Variants in DHX38 observed in about 807,000 individuals in gnomAD.
DHX38 encodes DEAH-box helicase 38, also known as pre-mRNA-splicing factor ATP-dependent RNA helicase PRP16.
DHX38 carries 100 observed loss-of-function variants against 153.1 expected under a neutral mutation model. That is an observed-to-expected ratio of 0.65 (90% confidence interval 0.56 to 0.77). The LOEUF (loss-of-function observed/expected upper bound fraction) is 0.77, where lower values mean the gene tolerates loss of function less well. DHX38 is among the 30% of genes least tolerant of loss of function. The pLI, the probability that DHX38 is intolerant of heterozygous loss-of-function variation, is 0.00. For synonymous variants in DHX38, 650 were observed against 631.7 expected (o/e 1.03, Z -0.43); for missense variants, 1,440 against 1,654.0 (o/e 0.87, Z 2.24).
Position 72,104,348 on chromosome 16 carries a change from T to A in DHX38, c.2011-138T>A, listed in dbSNP as rs1276656888. The A allele has an allele frequency of 1.5e-5, 20 of 1,301,730 alleles. No individual in the cohort carries two copies. Among genetic ancestry groups the A allele is most frequent in the Non-Finnish European group, 2.0e-5 (19 of 964,462 alleles). 80.6% of individuals were successfully genotyped at this position (1,301,730 alleles called of 1,614,324 possible). A position where few individuals can be genotyped will look rare whatever the true frequency, so the allele number is the denominator to read the frequency against. ...CTGGGCAGTGGCTCCATTGCTTCAG[T>A]CTTCATGATTGGTAAGAATTGAATA... is the stretch of plus-strand genomic sequence containing the variant. On this transcript the variant is annotated intron_variant, in intron 14 of 26. Transcript: ENST00000268482. The surrounding 1 kb of genome is among the most constrained non-coding windows in gnomAD (Gnocchi z 4.5).
In DHX38 at chr16:72,100,238, T is replaced by C. The variant is rs1475384027; in HGVS notation, c.1117-198T>C. ...AGGTTCTGATTTAGATGAAAGGTGC[T>C]GCTGCTTGGAACAAACTCCTGCAGG... On this transcript the variant is annotated intron_variant, in intron 8 of 26. Transcript: ENST00000268482. 3.3e-5 allele frequency among the ~76,000 whole-genome samples: 5 copies of C among 152,296 alleles called. No homozygotes were observed. The East Asian group carries it at 9.7e-4, about 29-fold the overall frequency.
chr16:72,108,544 T>C lies in DHX38; in HGVS notation c.3192T>C (p.Thr1064=), dbSNP rs765400084. The change falls in exon 23 of 27, where the codon ACT becomes ACC. Residue 1064 remains threonine, a synonymous_variant. Coordinates refer to ENST00000268482, the MANE Select transcript of DHX38 (RefSeq NM_014003.4). ...GGATGAGCCTGGCCTCGTGTGGCAC[T>C]GACTGGGACATCGTCAGGAAGTGCA... ...QQRMSLASCG[T]DWDIVRKCIC... is the part of the protein sequence containing the mutation. 8.1e-6 allele frequency: 13 copies of C among 1,614,200 alleles called. No individual in the cohort carries two copies. Among genetic ancestry groups the C allele is most frequent in the Non-Finnish European group, 1.1e-5 (13 of 1,180,046 alleles).
chr16:72,098,702 C>G lies in DHX38; in HGVS notation c.674C>G (p.Ser225Ter). The G allele has an allele frequency of 6.2e-7, 1 of 1,614,172 alleles. No individual in the cohort carries two copies. The highest frequency in any genetic ancestry group is 8.5e-7 in the Non-Finnish European group (1 of 1,180,032). ...WEEEDSGYGS[S>*]RRSQWESPSP... ...GAAGAGGACAGTGGCTATGGCTCCT[C>G]AAGGCGCTCACAGTGGGAATCGCCC... Residue 225 changes from serine (S) to a stop codon, truncating the protein, a stop_gained, in exon 5 of 27, where the codon TCA becomes TGA. Transcript: ENST00000268482. LOFTEE classifies it high-confidence loss of function.
chr16:72,101,302 C>G, intron 10 of DHX38, 109 bp downstream of exon 10: 1 of 1,317,270 alleles, frequency 7.6e-7, no homozygotes. Context: ...TCCCCTCTAT[C>G]AAGTCCTTAG....
At chr16:72,096,098 C>T in intron 1 of DHX38, 41 bp from the exon 2 acceptor site, 2 of 1,537,634 alleles carry the variant, frequency 1.3e-6, no homozygotes, top group South Asian at 1.2e-5. Flanking sequence ...TATAGTAGAG[C>T]TGAGCCTTCT....
At position 72,106,062 on chromosome 16, in the gene DHX38, A is replaced by G. The variant is rs2042171717; in HGVS notation, c.2545A>G (p.Asn849Asp). 1 of 1,614,122 alleles carries G rather than the reference A, an allele frequency of 6.2e-7. No individual in the cohort carries two copies. Among genetic ancestry groups the G allele is most frequent in the Non-Finnish European group, 8.5e-7 (1 of 1,180,048 alleles). Reference protein sequence around the residue: ...ALQIYPISQANANQRSGRAGR... With the variant: ...ALQIYPISQADANQRSGRAGR... ...GCAGATCTATCCCATTAGCCAGGCC[A>G]ATGCCAACCAGCGGTCAGGGCGAGC... Residue 849 changes from asparagine (N) to aspartate (D), a missense_variant, in exon 19 of 27, where the codon AAT becomes GAT. Physicochemically the swap from Asn to Asp is conservative, Grantham distance 23. Around this residue, in one of 6 missense-constraint regions of DHX38, gnomAD observed 543 missense variants for 717.9 expected, o/e 0.76. Transcript: ENST00000268482.
At chr16:72,109,266 A>T (rs1332421974) in intron 24 of DHX38, 149 bp from the exon 25 acceptor site, 1 of 862,576 alleles carries the variant, frequency 1.2e-6, no homozygotes, top group African/African-American at 1.8e-5. Context: ...AGGAGTTTGG[A>T]TGGGAGTATC....
At chr16:72,105,437 A>G (rs2042161762) in intron 17 of DHX38, 80 bp from the exon 18 acceptor site, 1 of 1,600,274 alleles carries the variant, frequency 6.2e-7, no homozygotes, top group Non-Finnish European at 8.6e-7. Flanking sequence ...GGGGTGGGCT[A>G]GGAGGTAGGC....
At chr16:72,101,888 AC>A (rs1335987228) in intron 11 of DHX38, among the ~76,000 whole-genome samples, 2 of 152,064 alleles carry the variant, frequency 1.3e-5, no homozygotes, top group East Asian at 3.9e-4. Flanking sequence ...GTCTGAGGTC[AC>A]CCAGCTTGTC....
At chr16:72,111,140 A>G in intron 26 of DHX38, 63 bp downstream of exon 26, 1 of 1,487,876 alleles carries the variant, frequency 6.7e-7, no homozygotes, top group Non-Finnish European at 8.9e-7. Context: ...GCCAGAGACC[A>G]GGCCCTGATG....
In DHX38 at chr16:72,101,118, T is replaced by G; in HGVS notation, c.1311T>G (p.Thr437=). The part of the protein sequence containing the change: ...PEPVIPVKDA[T]SDLAIIARKG... Reference sequence around the variant, plus strand: ...CGGTGATTCCAGTGAAGGATGCTACTTCTGACCTGGCCATCATTGCTCGGA... The same window carrying G: ...CGGTGATTCCAGTGAAGGATGCTACGTCTGACCTGGCCATCATTGCTCGGA... The change falls in exon 10 of 27, where the codon ACT becomes ACG. Residue 437 remains threonine (T), a synonymous_variant. Transcript: ENST00000268482. 1 of 1,614,252 alleles carries G rather than the reference T, an allele frequency of 6.2e-7. No homozygotes were observed. Among genetic ancestry groups the G allele is most frequent in the Non-Finnish European group, 8.5e-7 (1 of 1,180,050 alleles).
At chr16:72,099,108 G>A in intron 6 of DHX38, 63 bp downstream of exon 6, 2 of 1,604,484 alleles carry the variant, frequency 1.2e-6, no homozygotes, top group Non-Finnish European at 1.7e-6. Flanking sequence ...GATGAGCAGG[G>A]GCTGCCCTTC....
chr16:72,103,005 G>T, intron 11 of DHX38, 69 bp from the exon 12 acceptor site: 1 of 1,582,922 alleles, frequency 6.3e-7, no homozygotes, highest in Non-Finnish European at 8.6e-7. Context: ...AGGAAGGAGG[G>T]CAGCAACCCA....
At position 72,104,048 on chromosome 16, in the gene DHX38, C is replaced by T. The variant is rs1362022149; in HGVS notation, c.1927C>T (p.Leu643=). 6 of 1,614,188 alleles carry T rather than the reference C, an allele frequency of 3.7e-6. No individual in the cohort carries two copies. The highest frequency in any genetic ancestry group is 4.2e-6 in the Non-Finnish European group (5 of 1,180,042). Residue 643 remains leucine (L), a synonymous_variant, in exon 14 of 27, where the codon CTG becomes TTG. Transcript: ENST00000268482. The surrounding 1 kb of genome is among the most constrained non-coding windows in gnomAD (Gnocchi z 4.5). Reference sequence around the variant, plus strand: ...CCGAGAGTCCCTCCGGGAAGCCGACCTGGATCACTACAGTGCCATCATCAT... The same window carrying T: ...CCGAGAGTCCCTCCGGGAAGCCGACTTGGATCACTACAGTGCCATCATCAT... ...LLRESLREAD[L]DHYSAIIMDE... is the part of the protein sequence containing the mutation.
intron 26 of DHX38, 92 bp downstream of exon 26, chr16:72,111,169 G>A: frequency 6.9e-7 from 1 of 1,445,932 alleles, no homozygotes. Context: ...GGATTTATGG[G>A]AAGGTGCATG....
rs778934289 is a variant in DHX38, at chr16:72,105,309, T to C, written c.2340T>C (p.Ser780=). 1.2e-6 allele frequency: 2 copies of C among 1,614,126 alleles called. No individual in the cohort carries two copies. The highest frequency in any genetic ancestry group is 3.3e-5 in the Admixed American group (2 of 60,022). The change falls in exon 17 of 27, where the codon TCT becomes TCC. Residue 780 remains serine, a synonymous_variant. Transcript: ENST00000268482. The part of the protein sequence containing the change: ...APALAVLPIY[S]QLPSDLQAKI... ...CCCTGGCTGTGCTGCCCATCTACTC[T>C]CAGCTGCCTTCTGACCTCCAGGCCA...
At position 72,098,978 on chromosome 16, in the gene DHX38, C is replaced by T; in HGVS notation, c.816C>T (p.Tyr272=). 1.2e-6 allele frequency: 2 copies of T among 1,614,000 alleles called. No homozygotes were observed. The highest frequency in any genetic ancestry group is 1.7e-6 in the Non-Finnish European group (2 of 1,180,050). The change falls in exon 6 of 27, where the codon TAC becomes TAT. Residue 272 remains tyrosine, a synonymous_variant. Transcript: ENST00000268482. ...ACACGCCTCTGCCAACTCCCTCCTA[C>T]AAATATAACGAGTGGGCCGATGACA... ...SDDTPLPTPS[Y]KYNEWADDRR...
chr16:72,111,447 A>G (rs1473676963), intron 26 of DHX38, among the ~76,000 whole-genome samples: 2 of 152,220 alleles, frequency 1.3e-5, no homozygotes, highest in East Asian at 1.9e-4. Context: ...TCGCAGGCAC[A>G]GGCCTCCGTG....
rs768813233 is a variant in DHX38 at position 72,109,402 on chromosome 16, C to T, written c.3382-13C>T. On this transcript the variant is annotated splice_polypyrimidine_tract_variant and intron_variant, in intron 24 of 26. Coordinates refer to ENST00000268482, the MANE Select transcript of DHX38 (RefSeq NM_014003.4). ...CTCCTGTGACCCTCGCCTCCCTGCC[C>T]TTCTGCCCGCAGGAGTATATGCAGT... 1.9e-6 allele frequency: 3 copies of T among 1,611,986 alleles called. No homozygotes were observed. Among genetic ancestry groups the T allele is most frequent in the South Asian group, 2.2e-5 (2 of 90,888 alleles).
Sources: gnomAD v4.1 joint callset for allele counts (sites outside exome capture counted in the v4.1 genomes callset) on GRCh38, gnomAD v4.1.1 for gene constraint, gnomAD v4.1.1 regional missense constraint, Gnocchi (gnomAD v3.1) non-coding constraint, MANE v1.5 for transcripts, NCBI Gene and HGNC (gene_info 2026-07-23, HGNC 2026-07-21) for gene names.